Variants in STK32B observed in about 807,000 individuals in gnomAD.
STK32B encodes serine/threonine-protein kinase 32B.
A neutral mutation model predicts 52.6 loss-of-function variants in STK32B; 43 were observed. That is an observed-to-expected ratio of 0.82 (90% CI 0.64 to 1.05). The LOEUF is 1.05. Ranked by LOEUF, STK32B falls within the 50% of genes least tolerant of loss-of-function variation. The pLI is 0.00. For missense variants in STK32B, 621 were observed against 534.6 expected (o/e 1.16, Z -1.59); for synonymous variants, 238 against 204.3 (o/e 1.17, Z -1.41).
chr4:5,097,728 G>A (rs763678928), intron 1 of STK32B, among the ~76,000 whole-genome samples: 2 of 152,204 alleles, frequency 1.3e-5, no homozygotes, highest in Non-Finnish European at 2.9e-5. Flanking sequence ...TCACTAACTC[G>A]TTAATCATGT....
intron 2 of STK32B, among the ~76,000 whole-genome samples, chr4:5,165,680 G>A (rs542601806): frequency 9.2e-5 from 14 of 152,206 alleles, no homozygotes; most frequent in African/African-American, 2.2e-4. Flanking sequence ...CCTGGTGCCC[G>A]GGCCTCCAGA....
Position 5,453,195 on chromosome 4 carries a change from CCAGAAGGAGAGAGAA to C in STK32B, c.667-3611_667-3597del, listed in dbSNP as rs1716161038. On this transcript the variant is annotated intron_variant, in intron 7 of 11. Transcript: ENST00000282908. This position sits in a 1 kb window ranked among gnomAD's most constrained non-coding sequence, Gnocchi z 4.0. ...GTTTTTGTAATTGGTCCGGTTGCCT[CCAGAAGGAGAGAGAA>C]TTACAGAGATTAGGGAGAGAGAGAG... Among the ~76,000 whole-genome samples the C allele has an allele frequency of 6.7e-6, 1 of 149,896 alleles. No individual in the cohort carries two copies. The highest frequency in any genetic ancestry group is 2.5e-5 in the African/African-American group (1 of 40,624).
intron 1 of STK32B, among the ~76,000 whole-genome samples, chr4:5,070,537 A>G (rs1577048300): frequency 1.3e-5 from 2 of 152,322 alleles, no homozygotes; most frequent in African/African-American, 4.8e-5. Context: ...TAAGACGTGT[A>G]GAAGCCCAAA....
rs148124898 is a variant in STK32B at position 5,498,997 on chromosome 4, G to C, written c.1159G>C (p.Gly387Arg). The change falls in exon 12 of 12, where the codon GGG (glycine) becomes CGG (arginine). Residue 387 changes from glycine (G) to arginine (R), a missense_variant. Gly to Arg is a moderately radical substitution (Grantham distance 125). Coordinates refer to ENST00000282908, the MANE Select transcript of STK32B (RefSeq NM_018401.3). ...GSQLLDTDSRGGGQAQSKLQD... is the reference protein window; with the variant it reads ...GSQLLDTDSRRGGQAQSKLQD... Reference sequence around the variant, plus strand: ...CCAGCTCTTGGACACCGACAGCCGAGGGGGAGGCCAGGCCCAAAGCAAGCT... The same window carrying C: ...CCAGCTCTTGGACACCGACAGCCGACGGGGAGGCCAGGCCCAAAGCAAGCT... 1.7e-5 allele frequency: 28 copies of C among 1,613,628 alleles called. No homozygotes were observed. The highest frequency in any genetic ancestry group is 1.6e-4 in the Middle Eastern group (1 of 6,082).
chr4:5,255,039 T>C (rs1726203668), intron 3 of STK32B, among the ~76,000 whole-genome samples: 1 of 151,814 alleles, frequency 6.6e-6, no homozygotes. Context: ...TCACAATGAT[T>C]AAAATCAGAC....
At chr4:5,364,879 A>C (rs1178336535) in intron 4 of STK32B, among the ~76,000 whole-genome samples, 1 of 151,484 alleles carries the variant, frequency 6.6e-6, no homozygotes, top group Admixed American at 6.6e-5. Flanking sequence ...TGTTATTATT[A>C]TTAATTATTA....
Position 5,331,375 on chromosome 4 carries a change from G to T in STK32B, c.416G>T (p.Arg139Met), listed in dbSNP as rs1474623698. 1 of 1,612,468 alleles carries T rather than the reference G, an allele frequency of 6.2e-7. No homozygotes were observed. The highest frequency in any genetic ancestry group is 1.1e-5 in the South Asian group (1 of 90,762). ...ELALALEYLQ[R>M]YHIIHRDIKP... ...GCACTGGCCCTGGAGTATCTTCAGA[G>T]GTACCACATCATCCACAGGTAACTG... is the stretch of plus-strand genomic sequence containing the variant. Residue 139 changes from arginine to methionine, a missense_variant, in exon 4 of 12, where the codon AGG (arginine) becomes ATG (methionine). By Grantham distance (91) the Arg-to-Met change is moderately conservative. Transcript: ENST00000282908.
intron 11 of STK32B, among the ~76,000 whole-genome samples, chr4:5,489,416 ATACT>A (rs1236542468): frequency 2.0e-5 from 3 of 152,182 alleles, no homozygotes; most frequent in African/African-American, 7.2e-5. Flanking sequence ...TAAATTAGCA[ATACT>A]TAATTAATTC....
At chr4:5,179,235 A>G (rs766464513) in intron 3 of STK32B, among the ~76,000 whole-genome samples, 6 of 152,234 alleles carry the variant, frequency 3.9e-5, no homozygotes, top group Non-Finnish European at 8.8e-5. Context: ...TCTTGTGAGA[A>G]CTCACTCACT....
intron 1 of STK32B, among the ~76,000 whole-genome samples, chr4:5,102,101 G>A (rs1037307562): frequency 1.3e-5 from 2 of 152,162 alleles, no homozygotes; most frequent in Non-Finnish European, 2.9e-5. Flanking sequence ...TGAACCAGTC[G>A]GATGATCCCT....
intron 3 of STK32B, among the ~76,000 whole-genome samples, chr4:5,214,490 G>T (rs56907439): frequency 0.028 from 4,216 of 152,250 alleles, 191 homozygotes; most frequent in African/African-American, 0.095. Context: ...ATTCCAGCAT[G>T]ATTTATTGTA....
chr4:5,277,328 T>C (rs1185106172), intron 3 of STK32B, among the ~76,000 whole-genome samples: 3 of 152,090 alleles, frequency 2.0e-5, no homozygotes, highest in African/African-American at 7.2e-5. Context: ...GAGAAGCTAT[T>C]AGAGAACAGG....
intron 3 of STK32B, among the ~76,000 whole-genome samples, chr4:5,287,671 T>TC (rs1728641381): frequency 6.8e-6 from 1 of 147,184 alleles, no homozygotes; most frequent in South Asian, 2.1e-4. Flanking sequence ...TATGGTATTT[T>TC]CCCCTTTTTA....
chr4:5,367,431 ACT>A (rs1734947774), intron 4 of STK32B, among the ~76,000 whole-genome samples: 1 of 151,990 alleles, frequency 6.6e-6, no homozygotes, highest in East Asian at 1.9e-4. Flanking sequence ...TGTAGCCAAC[ACT>A]CTTTCGAGAC....
At chr4:5,343,919 G>A (rs1277651043) in intron 4 of STK32B, among the ~76,000 whole-genome samples, 1 of 152,144 alleles carries the variant, frequency 6.6e-6, no homozygotes, top group Non-Finnish European at 1.5e-5. Flanking sequence ...CTTAAGTTTT[G>A]CATTCTACTC....
chr4:5,128,649 G>T (rs1287927496), intron 1 of STK32B, among the ~76,000 whole-genome samples: 4 of 152,224 alleles, frequency 2.6e-5, no homozygotes, highest in Non-Finnish European at 5.9e-5. Context: ...GCAAATACTG[G>T]CTGTCTACTT....
intron 1 of STK32B, among the ~76,000 whole-genome samples, chr4:5,100,559 C>A (rs1196985941): frequency 1.5e-5 from 2 of 130,822 alleles, no homozygotes; most frequent in African/African-American, 5.9e-5. Flanking sequence ...TTCCTCCTTC[C>A]TTCCTTCCTC....
At chr4:5,496,296 A>T (rs7695604) in intron 11 of STK32B, among the ~76,000 whole-genome samples, 1 of 152,026 alleles carries the variant, frequency 6.6e-6, no homozygotes, top group Non-Finnish European at 1.5e-5. Flanking sequence ...GCGCCCCTCC[A>T]CCAGCCTCGC....
At chr4:5,376,234 A>T (rs1458620202) in intron 4 of STK32B, among the ~76,000 whole-genome samples, 1 of 152,164 alleles carries the variant, frequency 6.6e-6, no homozygotes, top group Non-Finnish European at 1.5e-5. Flanking sequence ...CACGTGCTAT[A>T]GGAGTTCCTC....
Sources: gnomAD v4.1 joint callset for allele counts (sites outside exome capture counted in the v4.1 genomes callset) on GRCh38, gnomAD v4.1.1 for gene constraint, Gnocchi (gnomAD v3.1) non-coding constraint, MANE v1.5 for transcripts, NCBI Gene and HGNC (gene_info 2026-07-23, HGNC 2026-07-21) for gene names.